Variants in PRSS12 observed in about 807,000 individuals in gnomAD.
PRSS12 encodes neurotrypsin.
Under a neutral mutation model 104.4 loss-of-function variants are expected in PRSS12, and 85 were observed. The ratio of observed to expected loss-of-function variants is 0.81; its 90% CI spans 0.68 to 0.98. The LOEUF is 0.98. Among genes scored for constraint, PRSS12 ranks in the 50% least tolerant of loss-of-function variants. The probability of loss-of-function intolerance (pLI) is 0.00; values close to 1 mark genes in which losing one functional copy is unlikely to be tolerated. For synonymous variants in PRSS12, 454 were observed against 425.2 expected, an observed-to-expected ratio of 1.07 and a Z score of -0.83; for missense variants, 1,141 against 1,139.2, an observed-to-expected ratio of 1.00 and a Z score of -0.02.
chr4:118,280,742 C>G lies in PRSS12; in HGVS notation c.*1194G>C, dbSNP rs937658157. 1 of 152,158 alleles carries G rather than the reference C, an allele frequency of 6.6e-6. No homozygotes were observed. Among genetic ancestry groups the G allele is most frequent in the Non-Finnish European group, 1.5e-5 (1 of 68,032 alleles). The allele number at this position is 152,158 out of a possible 1,614,324, so 9.4% of individuals were successfully genotyped here. ...ATAGTTAAGCAGCTATCCCTTAACT[C>G]TTGGAGAAATAGCCATAGGGAAACC... On this transcript the variant is annotated 3_prime_UTR_variant, in exon 13 of 13. Transcript: ENST00000296498.
chr4:118,306,374 TAAAG>T (rs1277166733), intron 8 of PRSS12, among the ~76,000 whole-genome samples: 1 of 152,176 alleles, frequency 6.6e-6, no homozygotes, highest in Non-Finnish European at 1.5e-5. Context: ...AGGTAATTGA[TAAAG>T]AAAAGAGGTT....
intron 4 of PRSS12, among the ~76,000 whole-genome samples, chr4:118,328,058 G>A (rs1723822474): frequency 6.6e-6 from 1 of 152,126 alleles, no homozygotes; most frequent in Non-Finnish European, 1.5e-5. Context: ...CATAAATTGA[G>A]ACAAGCAACA....
intron 3 of PRSS12, among the ~76,000 whole-genome samples, chr4:118,332,720 A>G (rs1723959969): frequency 6.6e-6 from 1 of 152,228 alleles, no homozygotes. Context: ...CCTAGTATAC[A>G]GAGGCATATA....
At chr4:118,329,903 G>A (rs1432286553) in intron 4 of PRSS12, among the ~76,000 whole-genome samples, 1 of 152,098 alleles carries the variant, frequency 6.6e-6, no homozygotes, top group African/African-American at 2.4e-5. Context: ...CCAACAGCAG[G>A]CACCGGGAAA....
At chr4:118,324,041 A>G (rs1208118669) in intron 4 of PRSS12, among the ~76,000 whole-genome samples, 1 of 152,024 alleles carries the variant, frequency 6.6e-6, no homozygotes, top group Admixed American at 6.5e-5. Context: ...CTGAGACTAC[A>G]GGCACATGCC....
At chr4:118,285,795 C>G (rs968119731) in intron 11 of PRSS12, among the ~76,000 whole-genome samples, 1 of 151,766 alleles carries the variant, frequency 6.6e-6, no homozygotes, top group Non-Finnish European at 1.5e-5. Flanking sequence ...GTACTTTGAC[C>G]TGTTTGGGTT....
At chr4:118,329,543 A>T (rs1299040220) in intron 4 of PRSS12, among the ~76,000 whole-genome samples, 1 of 152,234 alleles carries the variant, frequency 6.6e-6, no homozygotes, top group Admixed American at 6.5e-5. Flanking sequence ...AAAATATAGA[A>T]GTTCATAGAT....
chr4:118,352,638 G>A lies in PRSS12; in HGVS notation c.83C>T (p.Ser28Phe). 1 of 1,612,968 alleles carries A rather than the reference G, an allele frequency of 6.2e-7. No homozygotes were observed. Among genetic ancestry groups the A allele is most frequent in the Non-Finnish European group, 8.5e-7 (1 of 1,179,514 alleles). ...VVGFDSVLND[S>F]LHHSHRHSPP... ...CGAATGGCGGTGGCTGTGGTGGAGGGAATCATTGAGGACAGAATCAAAGCC... is the reference window on the plus strand; with the variant it reads ...CGAATGGCGGTGGCTGTGGTGGAGGAAATCATTGAGGACAGAATCAAAGCC... Residue 28 changes from serine (S) to phenylalanine (F), a missense_variant, in exon 1 of 13, where the codon TCC becomes TTC. Coordinates refer to ENST00000296498, the MANE Select transcript of PRSS12 (RefSeq NM_003619.4).
At position 118,312,614 on chromosome 4, in the gene PRSS12, A is replaced by T. The variant is rs182486551; in HGVS notation, c.1489+587T>A. ...ACCTTTTATCCAAAAAGTCTAAAAA[A>T]ATGTAAATGAAGAGTAACAGAGGTC... On this transcript the variant is annotated intron_variant, in intron 7 of 12. Coordinates refer to ENST00000296498, the MANE Select transcript of PRSS12 (RefSeq NM_003619.4). Among the ~76,000 whole-genome samples, 11 of 152,308 alleles carry T rather than the reference A, an allele frequency of 7.2e-5. No homozygotes were observed. In the East Asian group the frequency reaches 2.1e-3, roughly 29 times the overall value.
intron 8 of PRSS12, among the ~76,000 whole-genome samples, chr4:118,302,838 T>C (rs1743435201): frequency 6.6e-6 from 1 of 152,200 alleles, no homozygotes; most frequent in African/African-American, 2.4e-5. Flanking sequence ...TAGGCAAAAT[T>C]GCATAAGATT....
chr4:118,305,944 C>G (rs1046612187), intron 8 of PRSS12: 1 of 152,016 alleles, frequency 6.6e-6, no homozygotes, highest in Non-Finnish European at 1.5e-5. Context: ...CACATACATA[C>G]CACATTTTCT....
At chr4:118,335,447 C>A (rs1031774068) in intron 3 of PRSS12, 26 bp downstream of exon 3, 2 of 1,611,496 alleles carry the variant, frequency 1.2e-6, no homozygotes, top group Non-Finnish European at 1.7e-6. Context: ...GAAAGTAAAA[C>A]AACAGAACTT....
At chr4:118,316,088 T>C in intron 6 of PRSS12, 94 bp downstream of exon 6, 4 of 1,390,828 alleles carry the variant, frequency 2.9e-6, no homozygotes, top group East Asian at 2.5e-5. Flanking sequence ...CAGGTATTTT[T>C]ATTATTATAA....
intron 4 of PRSS12, among the ~76,000 whole-genome samples, chr4:118,325,976 T>C (rs1261376848): frequency 6.6e-6 from 1 of 152,196 alleles, no homozygotes; most frequent in Non-Finnish European, 1.5e-5. Context: ...CATTCTTAAA[T>C]CTAAATTTAG....
intron 4 of PRSS12, among the ~76,000 whole-genome samples, chr4:118,326,390 G>A (rs958934184): frequency 8.5e-5 from 13 of 152,150 alleles, no homozygotes; most frequent in East Asian, 7.7e-4. Context: ...CCCTGCAACC[G>A]AATGATGCTA....
At chr4:118,319,588 C>T (rs1349067632) in intron 4 of PRSS12, among the ~76,000 whole-genome samples, 6 of 152,318 alleles carry the variant, frequency 3.9e-5, no homozygotes, top group Non-Finnish European at 2.9e-5. Context: ...AGTCTCTTTT[C>T]CTAAACATAA....
At chr4:118,315,397 C>T (rs1016441113) in intron 6 of PRSS12, among the ~76,000 whole-genome samples, 9 of 151,994 alleles carry the variant, frequency 5.9e-5, no homozygotes, top group Non-Finnish European at 8.8e-5. Context: ...ATGGCTTTGC[C>T]TAGCTTGAAT....
intron 11 of PRSS12, 94 bp downstream of exon 11, chr4:118,294,845 G>T: frequency 6.5e-7 from 1 of 1,534,622 alleles, no homozygotes. Context: ...CTCATAGCCT[G>T]GCTCTGACAC....
At position 118,315,181 on chromosome 4, in the gene PRSS12, A is replaced by G. The variant is rs186620606; in HGVS notation, c.1292+1001T>C. ...ATTACAGTATGAAAATTCTGTGGAT[A>G]TTGTTTTCATTAAAAATTGTGAGTA... On this transcript the variant is annotated intron_variant, in intron 6 of 12. Transcript: ENST00000296498. 7.4e-3 allele frequency among the ~76,000 whole-genome samples: 1,123 copies of G among 152,206 alleles called. 6 individuals are homozygous for G. Among genetic ancestry groups the G allele is most frequent in the Non-Finnish European group, 0.012 (840 of 67,938 alleles).
Sources: gnomAD v4.1 joint callset for allele counts (sites outside exome capture counted in the v4.1 genomes callset) on GRCh38, gnomAD v4.1.1 for gene constraint, MANE v1.5 for transcripts, NCBI Gene and HGNC (gene_info 2026-07-23, HGNC 2026-07-21) for gene names.